Variants in NKAIN3 observed in about 807,000 individuals in gnomAD.
NKAIN3 encodes the protein sodium/potassium transporting ATPase interacting 3, also known as sodium/potassium-transporting ATPase subunit beta-1-interacting protein 3.
NKAIN3 carries 25 observed loss-of-function variants against 30.2 expected under a neutral mutation model. The observed-to-expected ratio is 0.83, with a 90% confidence interval of 0.60 to 1.16. NKAIN3 has a LOEUF of 1.16. Among genes scored for constraint, NKAIN3 ranks in the 50% most tolerant of loss-of-function variants. The probability of loss-of-function intolerance (pLI) is 0.00; values close to 1 mark genes in which losing one functional copy is unlikely to be tolerated. For missense variants in NKAIN3, 225 were observed against 254.1 expected (o/e 0.89, Z 0.78); for synonymous variants, 91 against 89.6 (o/e 1.02, Z -0.09).
chr8:62,444,385 C>T (rs989055301), intron 1 of NKAIN3, among the ~76,000 whole-genome samples: 1 of 152,118 alleles, frequency 6.6e-6, no homozygotes, highest in Admixed American at 6.5e-5. Context: ...ATCAACATCT[C>T]TTTATCCCTC....
chr8:62,284,018 T>C, intron 1 of NKAIN3, among the ~76,000 whole-genome samples: 1 of 152,152 alleles, frequency 6.6e-6, no homozygotes, highest in Non-Finnish European at 1.5e-5. Flanking sequence ...TGAAATGCCT[T>C]CCTACCTGCT....
At chr8:62,603,079 G>A (rs1204851831) in intron 3 of NKAIN3, among the ~76,000 whole-genome samples, 2 of 152,192 alleles carry the variant, frequency 1.3e-5, no homozygotes, top group South Asian at 4.1e-4. Flanking sequence ...TTTTCATGCA[G>A]TCGATTGAAG....
rs1323989937 is a variant in NKAIN3, at chr8:62,436,638, TC to T, written c.55-142900del. ...AACACATAGAAATTAGAGACCATCTTCTTTTTCAGAAAGCCTAGTTTTGCTC... is the reference window on the plus strand; with the variant it reads ...AACACATAGAAATTAGAGACCATCTTTTTTTCAGAAAGCCTAGTTTTGCTC... On this transcript the variant is annotated intron_variant, in intron 1 of 6. Coordinates refer to ENST00000623646, the MANE Select transcript of NKAIN3 (RefSeq NM_001304533.3). 8.5e-5 allele frequency among the ~76,000 whole-genome samples: 13 copies of T among 152,186 alleles called. 1 individual carries two copies. Among genetic ancestry groups the T allele is most frequent in the African/African-American group, 2.4e-4 (10 of 41,456 alleles).
At chr8:62,492,054 T>A (rs555394894) in intron 1 of NKAIN3, among the ~76,000 whole-genome samples, 3 of 152,036 alleles carry the variant, frequency 2.0e-5, no homozygotes, top group South Asian at 4.2e-4. Flanking sequence ...TTCCTTAGAG[T>A]TGTGAGTATA....
intron 4 of NKAIN3, among the ~76,000 whole-genome samples, chr8:62,823,705 G>A (rs562040517): frequency 8.6e-5 from 13 of 151,988 alleles, no homozygotes; most frequent in South Asian, 2.1e-4. Flanking sequence ...CTTTATAATC[G>A]CTGGAGATTT....
chr8:62,270,380 C>A (rs1812743446), intron 1 of NKAIN3, among the ~76,000 whole-genome samples: 1 of 152,094 alleles, frequency 6.6e-6, no homozygotes, highest in East Asian at 1.9e-4. Context: ...CTGGGCCCAG[C>A]CCATATTATA....
rs1823731975 is a variant in NKAIN3 at position 62,967,097 on chromosome 8, T to C, written c.*1690T>C. Among the ~76,000 whole-genome samples, 1 of 152,054 alleles carries C rather than the reference T, an allele frequency of 6.6e-6. No homozygotes were observed. The highest frequency in any genetic ancestry group is 2.1e-4 in the South Asian group (1 of 4,818). ...ATTACTTTTTTTTCTGCTTAATAAA[T>C]CCAAATTCAAATAAAGAAAAGCTGG... On this transcript the variant is annotated 3_prime_UTR_variant, in exon 7 of 7. Transcript: ENST00000623646.
At chr8:62,990,367 A>G (rs1341092439) in intron 5 of NKAIN3, 3 of 1,254,676 alleles carry the variant, frequency 2.4e-6, no homozygotes, top group Non-Finnish European at 3.0e-6. Flanking sequence ...TTTCTAGTGC[A>G]GTCTAATATA....
Position 62,882,791 on chromosome 8 carries a change from T to C in NKAIN3, c.472-35662T>C, listed in dbSNP as rs182347682. On this transcript the variant is annotated intron_variant, in intron 4 of 6. Coordinates refer to ENST00000623646, the MANE Select transcript of NKAIN3 (RefSeq NM_001304533.3). ...ATATGGATGTCCTATTTTTCCAGGA[T>C]CATTTGTTGAAGACTATCTTTGCTC... 2.6e-4 allele frequency among the ~76,000 whole-genome samples: 39 copies of C among 152,322 alleles called. 1 individual carries two copies. Among genetic ancestry groups the C allele is most frequent in the Admixed American group, 3.9e-4 (6 of 15,294 alleles).
chr8:62,515,105 C>G (rs1288727539), intron 1 of NKAIN3, among the ~76,000 whole-genome samples: 1 of 152,082 alleles, frequency 6.6e-6, no homozygotes, highest in Non-Finnish European at 1.5e-5. Context: ...TGTAATACAT[C>G]ATGACAATAT....
At chr8:62,762,013 A>G (rs1303835120) in intron 4 of NKAIN3, among the ~76,000 whole-genome samples, 2 of 152,152 alleles carry the variant, frequency 1.3e-5, no homozygotes, top group Non-Finnish European at 2.9e-5. Context: ...GCCTAGGCAG[A>G]CTTCTCTTAG....
chr8:62,622,381 TG>T (rs1391328851), intron 3 of NKAIN3, among the ~76,000 whole-genome samples: 3 of 152,080 alleles, frequency 2.0e-5, no homozygotes, highest in Admixed American at 2.0e-4. Flanking sequence ...CTAGAATGAC[TG>T]TACCATTTTA....
intron 4 of NKAIN3, among the ~76,000 whole-genome samples, chr8:62,802,670 G>GTTA (rs1818112593): frequency 6.6e-6 from 1 of 152,184 alleles, no homozygotes; most frequent in African/African-American, 2.4e-5. Flanking sequence ...ATGCCAAATT[G>GTTA]TAAAGACCAT....
At chr8:62,402,123 CA>C (rs1803896136) in intron 1 of NKAIN3, among the ~76,000 whole-genome samples, 1 of 152,130 alleles carries the variant, frequency 6.6e-6, no homozygotes, top group Admixed American at 6.5e-5. Context: ...CAGCTGACAC[CA>C]AGGCAACAAG....
intron 3 of NKAIN3, among the ~76,000 whole-genome samples, chr8:62,663,227 C>A (rs183870090): frequency 2.0e-5 from 3 of 152,246 alleles, no homozygotes; most frequent in Non-Finnish European, 4.4e-5. Context: ...TTTAGGCTTT[C>A]TTTAAACAGT....
At chr8:62,453,754 T>C (rs1805722670) in intron 1 of NKAIN3, among the ~76,000 whole-genome samples, 1 of 152,096 alleles carries the variant, frequency 6.6e-6, no homozygotes, top group African/African-American at 2.4e-5. Context: ...AGCACCGATA[T>C]GCGCATAAGC....
intron 1 of NKAIN3, among the ~76,000 whole-genome samples, chr8:62,299,155 T>A (rs1813949180): frequency 6.6e-6 from 1 of 152,162 alleles, no homozygotes; most frequent in Non-Finnish European, 1.5e-5. Context: ...TGGTGTGTAC[T>A]TGTAAACAGA....
intron 4 of NKAIN3, among the ~76,000 whole-genome samples, chr8:62,778,576 T>C (rs539339898): frequency 2.4e-4 from 37 of 152,222 alleles, no homozygotes; most frequent in Non-Finnish European, 4.4e-4. Context: ...TAGTGAATAC[T>C]GCCAGGCCTG....
intron 4 of NKAIN3, among the ~76,000 whole-genome samples, chr8:62,880,354 T>A (rs2130812625): frequency 6.6e-6 from 1 of 152,238 alleles, no homozygotes; most frequent in African/African-American, 2.4e-5. Flanking sequence ...ATGCCTCCAA[T>A]CAGATGACTT....
Sources: allele counts gnomAD v4.1 joint callset (sites outside exome capture counted in the v4.1 genomes callset), GRCh38; gene constraint gnomAD v4.1.1; transcripts MANE v1.5; gene names NCBI Gene and HGNC (gene_info 2026-07-23, HGNC 2026-07-21).